RNF150: variants seen among roughly 807,000 people sequenced by gnomAD.
The protein encoded by RNF150 is ring finger protein 150.
A neutral mutation model predicts 39.3 loss-of-function variants in RNF150; 24 were observed. The observed-to-expected ratio is 0.61, with a 90% CI of 0.44 to 0.86. RNF150 has a LOEUF of 0.86. Among genes scored for constraint, RNF150 ranks in the 40% least tolerant of loss-of-function variants. The pLI is 0.00. For missense variants in RNF150, 502 were observed against 587.8 expected (o/e 0.85, Z 1.51); for synonymous variants, 255 against 227.3 (o/e 1.12, Z -1.10).
chr4:140,961,203 T>C (rs1733009687), intron 2 of RNF150, among the ~76,000 whole-genome samples: 1 of 152,194 alleles, frequency 6.6e-6, no homozygotes, highest in Non-Finnish European at 1.5e-5. Context: ...AAGACCTTGC[T>C]GGGAGGCTTA....
intron 1 of RNF150, among the ~76,000 whole-genome samples, chr4:141,031,185 C>T (rs1004869017): frequency 6.6e-6 from 1 of 151,758 alleles, no homozygotes; most frequent in Non-Finnish European, 1.5e-5. Context: ...ATAAATGATG[C>T]TGGGAAAACT....
chr4:140,925,827 C>T lies in RNF150; in HGVS notation c.987+150G>A. On this transcript the variant is annotated intron_variant, in intron 5 of 6. Coordinates refer to ENST00000515673, the MANE Select transcript of RNF150 (RefSeq NM_020724.2). ...AAGTGAGGGGAGAAATGCTTTCAGA[C>T]ATAGGAGTTCTCTTGGAGCCTTGTA... is the stretch of plus-strand genomic sequence containing the variant. 2 of 620,240 alleles carry T rather than the reference C, an allele frequency of 3.2e-6. 1 individual carries two copies. The highest frequency in any genetic ancestry group is 4.0e-5 in the South Asian group (2 of 50,368). The allele number at this position is 620,240 out of a possible 1,614,324, so 38.4% of individuals were successfully genotyped here.
At chr4:141,170,671 A>G (rs1206930158) in intron 1 of RNF150, among the ~76,000 whole-genome samples, 1 of 152,184 alleles carries the variant, frequency 6.6e-6, no homozygotes, top group East Asian at 1.9e-4. Flanking sequence ...TTATAGTGGA[A>G]GTCTACCGTT....
At chr4:141,141,521 A>G (rs954104919) in intron 1 of RNF150, among the ~76,000 whole-genome samples, 1 of 152,206 alleles carries the variant, frequency 6.6e-6, no homozygotes, top group African/African-American at 2.4e-5. Flanking sequence ...TATTAAGAAT[A>G]AGATTGTGAA....
intron 1 of RNF150, among the ~76,000 whole-genome samples, chr4:141,159,564 A>G (rs1484590258): frequency 6.6e-6 from 1 of 151,842 alleles, no homozygotes; most frequent in Non-Finnish European, 1.5e-5. Flanking sequence ...TGTTTTTTTA[A>G]TAGGGCCTTG....
intron 2 of RNF150, among the ~76,000 whole-genome samples, chr4:140,964,841 G>A (rs574499635): frequency 6.6e-6 from 1 of 152,158 alleles, no homozygotes; most frequent in Non-Finnish European, 1.5e-5. Flanking sequence ...ACAAGATGGT[G>A]CTGGAGTATG....
At chr4:141,029,419 T>C (rs1735841112) in intron 1 of RNF150, among the ~76,000 whole-genome samples, 1 of 152,222 alleles carries the variant, frequency 6.6e-6, no homozygotes, top group African/African-American at 2.4e-5. Context: ...TCTGTATGTC[T>C]TCCCTCTTCA....
chr4:140,920,531 G>A (rs189773711), intron 5 of RNF150, among the ~76,000 whole-genome samples: 1,217 of 102,518 alleles, frequency 0.012, 220 homozygotes, highest in African/African-American at 0.039. Context: ...AAACAGTCAG[G>A]AAACTACAGG....
intron 6 of RNF150, among the ~76,000 whole-genome samples, chr4:140,885,727 CA>C (rs1023409355): frequency 2.0e-5 from 3 of 152,028 alleles, no homozygotes; most frequent in Non-Finnish European, 4.4e-5. Flanking sequence ...CTCAGCCTCC[CA>C]CATAGCTGGG....
chr4:140,964,090 GA>G (rs774026341), intron 2 of RNF150, among the ~76,000 whole-genome samples: 1 of 151,972 alleles, frequency 6.6e-6, no homozygotes, highest in Non-Finnish European at 1.5e-5. Flanking sequence ...TGAGATAACA[GA>G]AAAAACAGGA....
intron 1 of RNF150, among the ~76,000 whole-genome samples, chr4:140,973,210 C>G (rs1365170982): frequency 6.6e-6 from 1 of 151,966 alleles, no homozygotes; most frequent in Non-Finnish European, 1.5e-5. Context: ...ATCAGTAAAG[C>G]TAGGAAAAAT....
rs76560041 is a variant in RNF150, at chr4:140,988,301, G to A, written c.485-20428C>T. On this transcript the variant is annotated intron_variant, in intron 1 of 6. Transcript: ENST00000515673. Reference sequence around the variant, plus strand: ...TTCTACCATAAAAACACATGCATGCGTATGTTCATCTCAGTACTGTTTACA... The same window carrying A: ...TTCTACCATAAAAACACATGCATGCATATGTTCATCTCAGTACTGTTTACA... Among the ~76,000 whole-genome samples the A allele has an allele frequency of 4.7e-3, 714 of 152,162 alleles. 6 individuals are homozygous for A. Among genetic ancestry groups the A allele is most frequent in the African/African-American group, 0.016 (679 of 41,532 alleles).
chr4:141,095,689 C>T (rs1342282790), intron 1 of RNF150, among the ~76,000 whole-genome samples: 1 of 152,004 alleles, frequency 6.6e-6, no homozygotes, highest in East Asian at 1.9e-4. Context: ...GCAGGTAAAA[C>T]AAACATATGT....
At chr4:141,078,934 T>A (rs543105298) in intron 1 of RNF150, among the ~76,000 whole-genome samples, 1 of 148,112 alleles carries the variant, frequency 6.8e-6, no homozygotes, top group Non-Finnish European at 1.5e-5. Context: ...TACATATATA[T>A]ACACACACAT....
chr4:140,972,823 A>G (rs1371462299), intron 1 of RNF150, among the ~76,000 whole-genome samples: 3 of 152,192 alleles, frequency 2.0e-5, no homozygotes, highest in African/African-American at 7.2e-5. Context: ...TAATAAAAGG[A>G]AATTTCTTTA....
intron 1 of RNF150, among the ~76,000 whole-genome samples, chr4:141,092,883 T>C (rs1242700400): frequency 6.6e-6 from 1 of 151,214 alleles, no homozygotes; most frequent in Non-Finnish European, 1.5e-5. Context: ...TGCTGGAGAA[T>C]ATATTAAACA....
intron 1 of RNF150, among the ~76,000 whole-genome samples, chr4:141,054,298 C>T (rs1022911517): frequency 6.6e-6 from 1 of 152,058 alleles, no homozygotes; most frequent in Non-Finnish European, 1.5e-5. Context: ...AATGTTCATT[C>T]ACTTCTGTCA....
chr4:141,162,304 G>A (rs767007748), intron 1 of RNF150, among the ~76,000 whole-genome samples: 2 of 152,180 alleles, frequency 1.3e-5, no homozygotes, highest in African/African-American at 2.4e-5. Context: ...GGACTTGCAT[G>A]AGGCCTGTAA....
chr4:141,080,886 C>T (rs546815601), intron 1 of RNF150, among the ~76,000 whole-genome samples: 1 of 152,274 alleles, frequency 6.6e-6, no homozygotes, highest in Admixed American at 6.5e-5. Flanking sequence ...AAGCAGGGGG[C>T]TACCACAAGG....
Sources: gnomAD v4.1 joint callset for allele counts (sites outside exome capture counted in the v4.1 genomes callset) on GRCh38, gnomAD v4.1.1 for gene constraint, MANE v1.5 for transcripts, NCBI Gene and HGNC (gene_info 2026-07-23, HGNC 2026-07-21) for gene names.